The following BAZ2B variants were observed in gnomAD, a reference collection of about 807,000 sequenced individuals.
BAZ2B encodes the protein bromodomain adjacent to zinc finger domain protein 2B.
BAZ2B carries 91 observed loss-of-function variants against 246.0 expected under a neutral mutation model. The ratio of observed to expected loss-of-function variants is 0.37; its 90% CI spans 0.31 to 0.44. BAZ2B has a LOEUF of 0.44. Ranked by LOEUF, BAZ2B falls within the 20% of genes least tolerant of loss-of-function variation. The pLI is 1.00. For synonymous variants in BAZ2B, 855 were observed against 860.0 expected (o/e 0.99, Z 0.10); for missense variants, 2,332 against 2,533.7 (o/e 0.92, Z 1.71).
chr2:159,676,892 A>G, the BAZ2B span, among the ~76,000 whole-genome samples: 1 of 148,726 alleles, frequency 6.7e-6, no homozygotes, highest in Non-Finnish European at 1.5e-5. Context: ...AAACGATTAA[A>G]ATGGTTAAAT....
At chr2:159,708,581 C>G in the BAZ2B span, among the ~76,000 whole-genome samples, 1 of 13,830 alleles carries the variant, frequency 7.2e-5, no homozygotes, top group Non-Finnish European at 2.7e-4. Flanking sequence ...TTATTTATTT[C>G]TTTATTTATT....
intron 27 of BAZ2B, among the ~76,000 whole-genome samples, chr2:159,364,033 C>T (rs2059976587): frequency 6.6e-6 from 1 of 152,178 alleles, no homozygotes; most frequent in African/African-American, 2.4e-5. Flanking sequence ...TTTGAGTCAA[C>T]TCTAGAAGCC....
chr2:159,566,452 A>C (rs988840410), intron 1 of BAZ2B, among the ~76,000 whole-genome samples: 1 of 152,216 alleles, frequency 6.6e-6, no homozygotes, highest in Non-Finnish European at 1.5e-5. Flanking sequence ...GACAAAAAGC[A>C]AAGCCAGCAA....
chr2:159,643,959 T>A, the BAZ2B span, among the ~76,000 whole-genome samples: 2 of 151,506 alleles, frequency 1.3e-5, no homozygotes, highest in Non-Finnish European at 1.5e-5. Flanking sequence ...TTAAATATTA[T>A]CTAACCTGGG....
chr2:159,429,005 C>A (rs2070552096), intron 11 of BAZ2B, among the ~76,000 whole-genome samples, 195 bp downstream of exon 11: 1 of 152,086 alleles, frequency 6.6e-6, no homozygotes, highest in African/African-American at 2.4e-5. Context: ...TCTGCCATAC[C>A]TCCAGGAAAC....
In BAZ2B at chr2:159,447,066, T is replaced by G. The variant is rs1009387269; in HGVS notation, c.503-91A>C. 3 of 848,444 alleles carry G rather than the reference T, an allele frequency of 3.5e-6. No homozygotes were observed. The African/African-American group carries it at 5.3e-5, about 15-fold the overall frequency. The allele number at this position is 848,444 out of a possible 1,614,324, so 52.6% of individuals were successfully genotyped here. A position where few individuals can be genotyped will look rare whatever the true frequency, so the allele number is the denominator to read the frequency against. ...AGATATATGTACAGTTGGATGAACT[T>G]GAAAATATGATAAGTGAAAGAAGAC... On this transcript the variant is annotated intron_variant, in intron 5 of 36. Transcript: ENST00000392783.
At chr2:159,438,857 T>C (rs2072890928) in intron 7 of BAZ2B, 152 bp downstream of exon 7, 7 of 1,212,942 alleles carry the variant, frequency 5.8e-6, no homozygotes, top group Non-Finnish European at 5.7e-6. Flanking sequence ...CGTATGTCCC[T>C]TTAAAAACAT....
chr2:159,389,493 A>G lies in BAZ2B; in HGVS notation c.3076-8T>C, dbSNP rs769982929. 1.9e-6 allele frequency: 3 copies of G among 1,594,116 alleles called. No homozygotes were observed. The highest frequency in any genetic ancestry group is 2.6e-6 in the Non-Finnish European group (3 of 1,171,024). On this transcript the variant is annotated splice_region_variant and splice_polypyrimidine_tract_variant and intron_variant, in intron 20 of 36. Coordinates refer to ENST00000392783, the MANE Select transcript of BAZ2B (RefSeq NM_013450.4). Reference sequence around the variant, plus strand: ...TTTCAACCGCTCTTTTTCCTTAAAAAGAAAACCATGTACACATATTCTTCT... The same window carrying G: ...TTTCAACCGCTCTTTTTCCTTAAAAGGAAAACCATGTACACATATTCTTCT...
At chr2:159,415,590 T>G (rs556834371) in intron 13 of BAZ2B, among the ~76,000 whole-genome samples, 1 of 152,350 alleles carries the variant, frequency 6.6e-6, no homozygotes, top group South Asian at 2.1e-4. Context: ...ATTGTCTTAT[T>G]ATTTCTTTTT....
At chr2:159,470,424 A>G (rs1034784262) in intron 3 of BAZ2B, among the ~76,000 whole-genome samples, 3 of 152,244 alleles carry the variant, frequency 2.0e-5, no homozygotes, top group Admixed American at 6.5e-5. Flanking sequence ...AAATTCATTA[A>G]AGTATACATT....
intron 2 of BAZ2B, among the ~76,000 whole-genome samples, chr2:159,536,848 T>C (rs2086058132): frequency 6.6e-6 from 1 of 152,226 alleles, no homozygotes; most frequent in Non-Finnish European, 1.5e-5. Context: ...ACCAGTTTAT[T>C]TGTTGACATT....
intron 27 of BAZ2B, among the ~76,000 whole-genome samples, chr2:159,362,409 T>G (rs2059810127): frequency 6.6e-6 from 1 of 152,218 alleles, no homozygotes; most frequent in Non-Finnish European, 1.5e-5. Flanking sequence ...CTCACACTAA[T>G]GCATACAGGG....
rs540338596 is a variant in BAZ2B at position 159,329,375 on chromosome 2, G to A, written c.5943+3165C>T. 2.0e-5 allele frequency among the ~76,000 whole-genome samples: 3 copies of A among 152,214 alleles called. No individual in the cohort carries two copies. The South Asian group carries it at 6.2e-4, about 32-fold the overall frequency. Reference sequence around the variant, plus strand: ...ATATTCCATTTTATATAAGGAACCTGAGCATCTGTGACTCTGGTATCCATG... The same window carrying A: ...ATATTCCATTTTATATAAGGAACCTAAGCATCTGTGACTCTGGTATCCATG... On this transcript the variant is annotated intron_variant, in intron 34 of 36. Coordinates refer to ENST00000392783, the MANE Select transcript of BAZ2B (RefSeq NM_013450.4).
chr2:159,464,323 T>TA (rs1362475836), intron 3 of BAZ2B: 1 of 152,224 alleles, frequency 6.6e-6, no homozygotes, highest in Non-Finnish European at 1.5e-5. Flanking sequence ...TCTTGTTTGT[T>TA]ATGACTTTAA....
rs770034895 is a variant in BAZ2B, at chr2:159,577,776, G to GTTTCTT, written c.-45-21912_-45-21911insAAGAAA. Reference sequence around the variant, plus strand: ...TATACACCACAAGAAATAAAAGTAGGTACCTTAATGGGAAGGAGAAAGGCT... The same window carrying GTTTCTT: ...TATACACCACAAGAAATAAAAGTAGGTTTCTTTACCTTAATGGGAAGGAGAAAGGCT... On this transcript the variant is annotated intron_variant, in intron 1 of 36. Coordinates refer to ENST00000392783, the MANE Select transcript of BAZ2B (RefSeq NM_013450.4). Among the ~76,000 whole-genome samples, 266 of 152,250 alleles carry GTTTCTT rather than the reference G, an allele frequency of 1.7e-3. 1 individual carries two copies. The highest frequency in any genetic ancestry group is 3.0e-3 in the Non-Finnish European group (203 of 68,014).
chr2:159,412,503 G>A lies in BAZ2B; in HGVS notation c.2509C>T (p.Arg837Cys), dbSNP rs755448694. Residue 837 changes from arginine to cysteine, a missense_variant, in exon 14 of 37, where the codon CGT (arginine) becomes TGT (cysteine). Physicochemically the swap from Arg to Cys is radical, Grantham distance 180 (BLOSUM62 -3). Transcript: ENST00000392783. ...CTACGACCTTCCATTGCCCTGATAC[G>A]AGGAATGACATCCTCTTCTTTCAAA... ...CLLKEEDVIP[R>C]IRAMEGRRGR... 1.4e-5 allele frequency: 23 copies of A among 1,613,824 alleles called. No homozygotes were observed. The highest frequency in any genetic ancestry group is 1.8e-5 in the Non-Finnish European group (21 of 1,179,948).
intron 27 of BAZ2B, among the ~76,000 whole-genome samples, chr2:159,357,399 A>C (rs914219445): frequency 6.6e-6 from 1 of 152,072 alleles, no homozygotes. Context: ...TAATGAAATA[A>C]AGCGTGAAGA....
chr2:159,337,314 A>C (rs771230539), intron 32 of BAZ2B: 7 of 1,135,760 alleles, frequency 6.2e-6, no homozygotes, highest in Non-Finnish European at 8.5e-6. Flanking sequence ...ACATAACAAA[A>C]AAAAAGTTTT....
chr2:159,635,414 A>T, the BAZ2B span, among the ~76,000 whole-genome samples: 2 of 152,134 alleles, frequency 1.3e-5, no homozygotes, highest in Admixed American at 1.3e-4. Context: ...CCATAAATCG[A>T]TTCCTCTACT....
Sources: gnomAD v4.1 joint callset for allele counts (sites outside exome capture counted in the v4.1 genomes callset) on GRCh38, gnomAD v4.1.1 for gene constraint, MANE v1.5 for transcripts, NCBI Gene and HGNC (gene_info 2026-07-23, HGNC 2026-07-21) for gene names.